Variants in DCC observed in about 807,000 individuals in gnomAD.
The protein encoded by DCC is DCC netrin 1 receptor.
Under a neutral mutation model 172.5 loss-of-function variants are expected in DCC, and 58 were observed. The observed-to-expected ratio is 0.34, with a 90% CI of 0.27 to 0.42. The LOEUF (loss-of-function observed/expected upper bound fraction) is 0.42, where lower values mean the gene tolerates loss of function less well. Ranked by LOEUF, DCC falls within the 10% of genes least tolerant of loss-of-function variation. The pLI is 1.00. For synonymous variants in DCC, 709 were observed against 644.5 expected (o/e 1.10, Z -1.52); for missense variants, 1,740 against 1,791.0 (o/e 0.97, Z 0.51).
chr18:52,875,475 G>A (rs781472813), intron 2 of DCC, among the ~76,000 whole-genome samples: 3 of 152,156 alleles, frequency 2.0e-5, no homozygotes, highest in Non-Finnish European at 4.4e-5. Context: ...TTCTGTGTGA[G>A]CTCTAAAAAC....
At chr18:53,091,885 A>C (rs2043018552) in intron 7 of DCC, among the ~76,000 whole-genome samples, 1 of 151,506 alleles carries the variant, frequency 6.6e-6, no homozygotes, top group African/African-American at 2.4e-5. Context: ...ATCTACATAA[A>C]TATGTCTTTA....
chr18:53,029,462 A>G (rs2041998707), intron 5 of DCC, among the ~76,000 whole-genome samples: 1 of 152,176 alleles, frequency 6.6e-6, no homozygotes, highest in African/African-American at 2.4e-5. Context: ...AGAAATAATC[A>G]CTGGGCAGAG....
At chr18:53,021,107 G>C (rs780787998) in intron 5 of DCC, among the ~76,000 whole-genome samples, 8 of 151,968 alleles carry the variant, frequency 5.3e-5, no homozygotes, top group Non-Finnish European at 1.2e-4. Context: ...ACGGCCTGAG[G>C]GAAAGGGCAC....
At chr18:52,769,470 G>T (rs1358814670) in intron 2 of DCC, among the ~76,000 whole-genome samples, 1 of 152,112 alleles carries the variant, frequency 6.6e-6, no homozygotes, top group Non-Finnish European at 1.5e-5. Context: ...TTTGGTTTGA[G>T]AGTCCTTTAT....
chr18:52,907,452 C>T (rs2145450616), intron 3 of DCC, among the ~76,000 whole-genome samples: 1 of 151,616 alleles, frequency 6.6e-6, no homozygotes, highest in South Asian at 2.1e-4. Flanking sequence ...GGGTCTTACT[C>T]TGTTGCCCAG....
chr18:52,881,777 C>T (rs1162664569), intron 2 of DCC, among the ~76,000 whole-genome samples: 1 of 151,850 alleles, frequency 6.6e-6, no homozygotes, highest in Non-Finnish European at 1.5e-5. Context: ...ACAGATTTGG[C>T]TATTTGGGGT....
In DCC at chr18:53,431,495, G is replaced by T. The variant is rs570085777; in HGVS notation, c.3164-3649G>T. Among the ~76,000 whole-genome samples the T allele has an allele frequency of 6.0e-3, 897 of 149,550 alleles. 5 individuals carry two copies. The highest frequency in any genetic ancestry group is 0.01 in the Non-Finnish European group (700 of 67,324). On this transcript the variant is annotated intron_variant, in intron 21 of 28. Transcript: ENST00000442544. Reference sequence around the variant, plus strand: ...TTTTGTTGTTGTTGTTGTTGTTGTTGTTTTTTTACTGAGCCAGAGTCTTGC... The same window carrying T: ...TTTTGTTGTTGTTGTTGTTGTTGTTTTTTTTTTACTGAGCCAGAGTCTTGC...
At chr18:52,554,422 T>A (rs926228387) in intron 1 of DCC, among the ~76,000 whole-genome samples, 1 of 152,108 alleles carries the variant, frequency 6.6e-6, no homozygotes, top group Admixed American at 6.6e-5. Context: ...CTGATATTGA[T>A]TGACTAGCTG....
At chr18:53,290,581 G>A (rs1039395838) in intron 12 of DCC, among the ~76,000 whole-genome samples, 2 of 151,950 alleles carry the variant, frequency 1.3e-5, no homozygotes, top group Non-Finnish European at 2.9e-5. Context: ...ATTACTTAGG[G>A]CCTAATTTGA....
intron 27 of DCC, among the ~76,000 whole-genome samples, chr18:53,510,558 GA>G (rs1036659933): frequency 1.1e-4 from 17 of 152,234 alleles, no homozygotes; most frequent in Admixed American, 1.1e-3. Context: ...TGAGAGAAAG[GA>G]GTGCAAAAAC....
intron 5 of DCC, among the ~76,000 whole-genome samples, chr18:53,002,640 CAT>C (rs1202377371): frequency 7.0e-6 from 1 of 142,024 alleles, no homozygotes; most frequent in East Asian, 1.9e-4. Flanking sequence ...ATAATAAGCA[CAT>C]GCCAGATATT....
intron 2 of DCC, among the ~76,000 whole-genome samples, chr18:52,864,534 A>G (rs1429946430): frequency 1.3e-5 from 2 of 152,086 alleles, no homozygotes; most frequent in African/African-American, 2.4e-5. Context: ...TTTGTATTAT[A>G]CTTTGAGTTC....
chr18:53,358,162 GT>G (rs1224028162), intron 15 of DCC, among the ~76,000 whole-genome samples: 1 of 151,858 alleles, frequency 6.6e-6, no homozygotes, highest in Non-Finnish European at 1.5e-5. Context: ...AATATATCTT[GT>G]TTTTTTAGCT....
intron 15 of DCC, among the ~76,000 whole-genome samples, chr18:53,354,940 T>A (rs1486486642): frequency 6.6e-6 from 1 of 152,098 alleles, no homozygotes; most frequent in Non-Finnish European, 1.5e-5. Context: ...CCATCTTGAA[T>A]TAATTTTTGT....
chr18:52,984,797 T>C (rs1454692844), intron 5 of DCC, among the ~76,000 whole-genome samples: 1 of 152,116 alleles, frequency 6.6e-6, no homozygotes, highest in Non-Finnish European at 1.5e-5. Context: ...ATGTAATTCT[T>C]TTTCCCCAAG....
At chr18:52,972,202 C>A (rs984143547) in intron 5 of DCC, among the ~76,000 whole-genome samples, 4 of 152,156 alleles carry the variant, frequency 2.6e-5, no homozygotes, top group Non-Finnish European at 4.4e-5. Context: ...CCTTCAAATT[C>A]TAAACATAGG....
rs78323280 is a variant in DCC at position 52,767,719 on chromosome 18, C to T, written c.412+15345C>T. Among the ~76,000 whole-genome samples the T allele has an allele frequency of 7.4e-3, 1,120 of 152,228 alleles. 14 individuals carry two copies. Among genetic ancestry groups the T allele is most frequent in the African/African-American group, 0.025 (1,058 of 41,556 alleles). ...TTTGTGTAAATACCTGTAGTACAAACGTTTCACTTTAAAAAAGGGCTTTTT... is the reference window on the plus strand; with the variant it reads ...TTTGTGTAAATACCTGTAGTACAAATGTTTCACTTTAAAAAAGGGCTTTTT... On this transcript the variant is annotated intron_variant, in intron 2 of 28. Transcript: ENST00000442544.
chr18:53,022,580 G>A (rs1475204813), intron 5 of DCC, among the ~76,000 whole-genome samples: 12 of 148,524 alleles, frequency 8.1e-5, no homozygotes, highest in African/African-American at 2.3e-4. Context: ...TATCACTAAC[G>A]GAACACCATG....
At chr18:53,410,888 T>TTG (rs34428366) in intron 20 of DCC, among the ~76,000 whole-genome samples, 70,591 of 151,832 alleles carry the variant, frequency 0.46, 17,427 homozygotes, top group Non-Finnish European at 0.56. Flanking sequence ...TGCTAGAAGT[T>TTG]TATTGATGTC....
Sources: gnomAD v4.1 joint callset for allele counts (sites outside exome capture counted in the v4.1 genomes callset) on GRCh38, gnomAD v4.1.1 for gene constraint, MANE v1.5 for transcripts, NCBI Gene and HGNC (gene_info 2026-07-23, HGNC 2026-07-21) for gene names.